The following MFAP1 variants were observed in gnomAD, a reference collection of about 807,000 sequenced individuals.
MFAP1 encodes microfibril associated protein 1.
A neutral mutation model predicts 62.2 loss-of-function variants in MFAP1; 18 were observed. The ratio of observed to expected loss-of-function variants is 0.29; its 90% CI spans 0.20 to 0.43. The LOEUF (loss-of-function observed/expected upper bound fraction) is 0.43, where lower values mean the gene tolerates loss of function less well. MFAP1 is among the 20% of genes least tolerant of loss of function. The pLI is 1.00. For missense variants in MFAP1, 355 were observed against 559.7 expected, an observed-to-expected ratio of 0.63 and a Z score of 3.69; for synonymous variants, 175 against 180.4, an observed-to-expected ratio of 0.97 and a Z score of 0.24.
In MFAP1 at chr15:43,805,842, G is replaced by A. The variant is rs147921606; in HGVS notation, c.1048-377C>T. Among the ~76,000 whole-genome samples the A allele has an allele frequency of 1.8e-3, 274 of 152,052 alleles. 3 individuals are homozygous for A. The highest frequency in any genetic ancestry group is 6.4e-3 in the African/African-American group (267 of 41,460). ...TTAGCCCAGATGGTCTCGATATCCCGACCTTGCGATCTGCCCACCTTGGCC... is the reference window on the plus strand; with the variant it reads ...TTAGCCCAGATGGTCTCGATATCCCAACCTTGCGATCTGCCCACCTTGGCC... On this transcript the variant is annotated intron_variant, in intron 7 of 8. Transcript: ENST00000267812.
rs1427921199 is a variant in MFAP1 at position 43,813,146 on chromosome 15, A to C, written c.728T>G (p.Ile243Ser). The C allele has an allele frequency of 6.2e-6, 10 of 1,613,934 alleles. No individual in the cohort carries two copies. In the Admixed American group the frequency reaches 1.0e-4, roughly 16 times the overall value. Residue 243 changes from isoleucine (I) to serine (S), a missense_variant and splice_region_variant, in exon 6 of 9, where the codon ATT becomes AGT. Around this residue, in one of 6 missense-constraint regions of MFAP1, gnomAD observed 257 missense variants for 341.3 expected, o/e 0.75. Transcript: ENST00000267812. ...CTCTTTTTTGGTTTCCTCTTCGACAATCTGGATAGGGAGAACAATTCAGCT... is the reference window on the plus strand; with the variant it reads ...CTCTTTTTTGGTTTCCTCTTCGACACTCTGGATAGGGAGAACAATTCAGCT... ...AEERRKYTLKIVEEETKKELE... is the reference protein window; with the variant it reads ...AEERRKYTLKSVEEETKKELE...
intron 1 of MFAP1, among the ~76,000 whole-genome samples, chr15:43,820,559 T>C (rs925202301): frequency 6.6e-6 from 1 of 152,200 alleles, no homozygotes; most frequent in African/African-American, 2.4e-5. Flanking sequence ...TTTATAAAAA[T>C]AAGCATACCT....
intron 7 of MFAP1, among the ~76,000 whole-genome samples, chr15:43,807,404 A>C (rs1234266167): frequency 6.7e-6 from 1 of 150,336 alleles, no homozygotes; most frequent in Non-Finnish European, 1.5e-5. Context: ...GCTAGAGTGC[A>C]GTGGCGTGAT....
At chr15:43,807,845 A>G (rs2087375773) in intron 7 of MFAP1, among the ~76,000 whole-genome samples, 1 of 152,168 alleles carries the variant, frequency 6.6e-6, no homozygotes, top group Non-Finnish European at 1.5e-5. Flanking sequence ...TACTTACTCA[A>G]TGAAATAAAC....
At chr15:43,812,413 G>A (rs2087407786) in intron 6 of MFAP1, among the ~76,000 whole-genome samples, 2 of 152,120 alleles carry the variant, frequency 1.3e-5, no homozygotes, top group African/African-American at 4.8e-5. Flanking sequence ...GAACCGACAT[G>A]TCAGAAGACC....
rs758286175 is a variant in MFAP1 at position 43,805,133 on chromosome 15, T to C, written c.1281A>G (p.Val427=). The C allele has an allele frequency of 1.3e-5, 21 of 1,595,734 alleles. No individual in the cohort carries two copies. Among genetic ancestry groups the C allele is most frequent in the Admixed American group, 3.4e-5 (2 of 59,588 alleles). Residue 427 remains valine (V), a synonymous_variant, in exon 9 of 9, where the codon GTA becomes GTG. Coordinates refer to ENST00000267812, the MANE Select transcript of MFAP1 (RefSeq NM_005926.3). ...FKQKAAGVRD[V]FERPSAKKRK... ...GCTTCTTGGCAGATGGCCGCTCAAATACATCTCGTACCCCAGCTGCCTTTT... is the reference window on the plus strand; with the variant it reads ...GCTTCTTGGCAGATGGCCGCTCAAACACATCTCGTACCCCAGCTGCCTTTT...
At chr15:43,822,729 A>C (rs576876387) in intron 1 of MFAP1, among the ~76,000 whole-genome samples, 1 of 152,260 alleles carries the variant, frequency 6.6e-6, no homozygotes, top group South Asian at 2.1e-4. Context: ...GTAATGGCAC[A>C]ATCATAGCTC....
chr15:43,812,871 C>G lies in MFAP1; in HGVS notation c.887+116G>C, dbSNP rs140834477. On this transcript the variant is annotated intron_variant, in intron 6 of 8. Coordinates refer to ENST00000267812, the MANE Select transcript of MFAP1 (RefSeq NM_005926.3). ...CAATTATAGGAAACTCACAAAGCAA[C>G]AAGAACTCTGAAGGTGGCTAGAATG... The G allele has an allele frequency of 1.3e-4, 159 of 1,232,798 alleles. No homozygotes were observed. In the East Asian group the frequency reaches 3.7e-3, roughly 29 times the overall value. 76.4% of individuals were successfully genotyped at this position (1,232,798 alleles called of 1,614,324 possible).
chr15:43,824,599 C>G lies in MFAP1; in HGVS notation c.-30G>C, dbSNP rs1042826048. ...ATGGCAGCGACGGTGATTCCCGAAA[C>G]TTGACTAATTCCAAACAGTGAACAC... On this transcript the variant is annotated 5_prime_UTR_variant, in exon 1 of 9. Coordinates refer to ENST00000267812, the MANE Select transcript of MFAP1 (RefSeq NM_005926.3). 5.6e-6 allele frequency: 9 copies of G among 1,612,988 alleles called. No individual in the cohort carries two copies. The highest frequency in any genetic ancestry group is 1.6e-4 in the Middle Eastern group (1 of 6,080).
chr15:43,821,491 T>C (rs2087466763), intron 1 of MFAP1, among the ~76,000 whole-genome samples: 1 of 151,996 alleles, frequency 6.6e-6, no homozygotes, highest in Non-Finnish European at 1.5e-5. Flanking sequence ...GATATGTCAG[T>C]GACCCAGGAA....
At position 43,814,974 on chromosome 15, in the gene MFAP1, C is replaced by A; in HGVS notation, c.400G>T (p.Glu134Ter). 6.2e-7 allele frequency: 1 copy of A among 1,614,160 alleles called. No homozygotes were observed. Among genetic ancestry groups the A allele is most frequent in the South Asian group, 1.1e-5 (1 of 91,084 alleles). ...TCATCAATTTCCTCCTCCTCTTCTTCACTGCTGTCTTCTCGTTCCATGCGC... is the reference window on the plus strand; with the variant it reads ...TCATCAATTTCCTCCTCCTCTTCTTAACTGCTGTCTTCTCGTTCCATGCGC... The part of the protein sequence containing the change: ...AWRMEREDSS[E>*]EEEEEIDDEE... The change falls in exon 3 of 9, where the codon GAA (glutamate) becomes TAA (stop). Residue 134 changes from glutamate (E) to a stop codon, truncating the protein, a stop_gained. Coordinates refer to ENST00000267812, the MANE Select transcript of MFAP1 (RefSeq NM_005926.3). LOFTEE classifies it high-confidence loss of function.
intron 2 of MFAP1, 32 bp from the exon 3 acceptor site, chr15:43,815,106 A>G: frequency 1.2e-6 from 2 of 1,612,658 alleles, no homozygotes; most frequent in Middle Eastern, 1.7e-4. Flanking sequence ...TGTAACACCA[A>G]TGTCATAAAA....
chr15:43,809,121 A>G (rs2087382746), intron 7 of MFAP1, among the ~76,000 whole-genome samples: 1 of 152,144 alleles, frequency 6.6e-6, no homozygotes, highest in Non-Finnish European at 1.5e-5. Context: ...AATGACAACT[A>G]TGTCATGTGG....
At chr15:43,805,508 A>G (rs370083541) in intron 7 of MFAP1, 43 bp from the exon 8 acceptor site, 17 of 1,516,712 alleles carry the variant, frequency 1.1e-5, no homozygotes, top group Non-Finnish European at 1.5e-5. Flanking sequence ...TTTATTTCCT[A>G]TATATTCAAA....
At chr15:43,805,509 T>C in intron 7 of MFAP1, 44 bp from the exon 8 acceptor site, 6 of 1,514,482 alleles carry the variant, frequency 4.0e-6, no homozygotes, top group Non-Finnish European at 4.5e-6. Flanking sequence ...TTATTTCCTA[T>C]ATATTCAAAC....
rs578260952 is a variant in MFAP1 at position 43,814,929 on chromosome 15, T to A, written c.429+16A>T. On this transcript the variant is annotated intron_variant, in intron 3 of 8. Coordinates refer to ENST00000267812, the MANE Select transcript of MFAP1 (RefSeq NM_005926.3). The stretch of plus-strand genomic sequence containing the variant: ...CTTATATCCAGAAAAAAACTTCCCA[T>A]GTTCCTTTATCATACCTCATCATCA... 3.1e-6 allele frequency: 5 copies of A among 1,611,844 alleles called. No individual in the cohort carries two copies. Among genetic ancestry groups the A allele is most frequent in the African/African-American group, 1.3e-5 (1 of 74,940 alleles).
At chr15:43,824,352 G>T in intron 1 of MFAP1, 139 bp downstream of exon 1, 1 of 764,646 alleles carries the variant, frequency 1.3e-6, no homozygotes, top group Non-Finnish European at 2.2e-6. Flanking sequence ...CAAGTGGGTG[G>T]GGGTGGAAAG....
intron 2 of MFAP1, among the ~76,000 whole-genome samples, chr15:43,816,745 A>G (rs962623919): frequency 1.3e-5 from 2 of 152,218 alleles, no homozygotes; most frequent in African/African-American, 4.8e-5. Flanking sequence ...CCATCAATAT[A>G]TAACATACAA....
In MFAP1 at chr15:43,824,400, G is replaced by A. The variant is rs1367453036; in HGVS notation, c.79+91C>T. The stretch of plus-strand genomic sequence containing the variant: ...GGCAGCCAGATCTCAAGAGCTGGCG[G>A]GGTTGGAGTGGTCTGTCCGGGAGAG... On this transcript the variant is annotated intron_variant, in intron 1 of 8. Coordinates refer to ENST00000267812, the MANE Select transcript of MFAP1 (RefSeq NM_005926.3). 13 of 1,251,086 alleles carry A rather than the reference G, an allele frequency of 1.0e-5. No homozygotes were observed. The African/African-American group carries it at 1.1e-4, about 10-fold the overall frequency. 77.5% of individuals were successfully genotyped at this position (1,251,086 alleles called of 1,614,324 possible).
Sources: gnomAD v4.1 joint callset for allele counts (sites outside exome capture counted in the v4.1 genomes callset) on GRCh38, gnomAD v4.1.1 for gene constraint, gnomAD v4.1.1 regional missense constraint, MANE v1.5 for transcripts, NCBI Gene and HGNC (gene_info 2026-07-23, HGNC 2026-07-21) for gene names.